Variants in GPC3 observed in about 807,000 individuals in gnomAD.
GPC3 encodes the protein glypican-3.
In GPC3, 3 loss-of-function variants were observed where a neutral mutation model predicts 34.4. The observed-to-expected ratio is 0.09, with a 90% CI of 0.04 to 0.23. GPC3 has a LOEUF of 0.23. GPC3 is among the 10% of genes least tolerant of loss of function. The pLI is 1.00. For missense variants in GPC3, 351 were observed against 445.6 expected, an observed-to-expected ratio of 0.79 and a Z score of 1.91; for synonymous variants, 177 against 174.0, an observed-to-expected ratio of 1.02 and a Z score of -0.13.
At chrX:133,613,638 C>T (rs768511708) in intron 6 of GPC3, among the ~76,000 whole-genome samples, 20 of 111,731 alleles carry the variant, frequency 1.8e-4, no homozygotes, top group African/African-American at 6.2e-4. Flanking sequence ...ACAATAGACC[C>T]ACAAGTATAA....
At chrX:133,736,444 A>C (rs771836170) in intron 3 of GPC3, among the ~76,000 whole-genome samples, 2 of 112,291 alleles carry the variant, frequency 1.8e-5, no homozygotes, top group Non-Finnish European at 3.8e-5. Context: ...TAGCAACACT[A>C]TTCATAATAA....
chrX:133,710,589 C>T (rs746038471), intron 3 of GPC3, among the ~76,000 whole-genome samples: 1 of 111,917 alleles, frequency 8.9e-6, no homozygotes, highest in Non-Finnish European at 1.9e-5. Context: ...ATGGAATTTG[C>T]CCAAGTCTGG....
intron 4 of GPC3, among the ~76,000 whole-genome samples, chrX:133,697,235 C>T (rs890003824): frequency 8.9e-6 from 1 of 111,904 alleles, no homozygotes; most frequent in African/African-American, 3.2e-5. Context: ...GTAATATGAG[C>T]TTATTATTTT....
chrX:133,664,810 C>CA (rs1289642836), intron 5 of GPC3, among the ~76,000 whole-genome samples: 7,297 of 68,617 alleles, frequency 0.11, 399 homozygotes, highest in Admixed American at 0.3. Flanking sequence ...CCGAACCACT[C>CA]AAAAAAAAAA....
At chrX:133,603,323 G>C (rs1390022737) in intron 6 of GPC3, among the ~76,000 whole-genome samples, 1 of 109,030 alleles carries the variant, frequency 9.2e-6, no homozygotes, top group African/African-American at 3.3e-5. Context: ...TCAGCTTCCT[G>C]AGTAGCTGGT....
intron 6 of GPC3, among the ~76,000 whole-genome samples, chrX:133,647,254 A>C (rs778262222): frequency 2.7e-5 from 3 of 112,561 alleles, no homozygotes; most frequent in African/African-American, 9.7e-5. Context: ...GTTATCAGCC[A>C]CTTATTCTAT....
chrX:133,927,412 A>T (rs1212914110), intron 2 of GPC3, among the ~76,000 whole-genome samples: 1 of 110,826 alleles, frequency 9.0e-6, no homozygotes, highest in East Asian at 2.8e-4. Context: ...CACACATCAA[A>T]CTCTTTACAG....
chrX:133,560,756 C>A (rs1053723002), intron 7 of GPC3, among the ~76,000 whole-genome samples: 1 of 110,749 alleles, frequency 9.0e-6, no homozygotes, highest in African/African-American at 3.3e-5. Context: ...AAAAAAGTCC[C>A]TATTTCTTCA....
At chrX:133,780,887 T>C (rs1017869300) in intron 2 of GPC3, among the ~76,000 whole-genome samples, 1 of 111,747 alleles carries the variant, frequency 8.9e-6, no homozygotes, top group Non-Finnish European at 1.9e-5. Context: ...AGTATCATTA[T>C]AGTCTAGTCA....
chrX:133,923,451 C>T (rs1162011533), intron 2 of GPC3, among the ~76,000 whole-genome samples: 1 of 111,597 alleles, frequency 9.0e-6, no homozygotes, highest in Admixed American at 9.5e-5. Context: ...CCCACCCCAC[C>T]CCCATCCTGA....
intron 7 of GPC3, among the ~76,000 whole-genome samples, chrX:133,592,403 G>C (rs1030202385): frequency 1.1e-4 from 12 of 106,879 alleles, no homozygotes; most frequent in Admixed American, 1.0e-4. Context: ...CATCTGTAAA[G>C]TGAGAATAGT....
chrX:133,610,734 C>T (rs749720542), intron 6 of GPC3, among the ~76,000 whole-genome samples: 2 of 100,998 alleles, frequency 2.0e-5, no homozygotes, highest in South Asian at 5.0e-4. Flanking sequence ...GGGGCACTTG[C>T]CTCTCAGAGG....
chrX:133,672,690 G>A (rs1356423118), intron 5 of GPC3, among the ~76,000 whole-genome samples: 3 of 112,094 alleles, frequency 2.7e-5, no homozygotes, highest in Middle Eastern at 4.2e-3. Context: ...TTGCTCTGTC[G>A]CCCAGGCTGG....
Position 133,662,006 on chromosome X carries a change from T to TA in GPC3, c.1293-157dup, listed in dbSNP as rs369016271. On this transcript the variant is annotated intron_variant, in intron 5 of 7. Coordinates refer to ENST00000370818, the MANE Select transcript of GPC3 (RefSeq NM_004484.4). The stretch of plus-strand genomic sequence containing the variant: ...CACTCCACATAGTGTCTATTTACAG[T>TA]AAAAAAAAATTCGTTCAACAATCAA... Among the ~76,000 whole-genome samples the TA allele has an allele frequency of 0.015, 1,656 of 109,909 alleles. 31 individuals are homozygous for TA. Among genetic ancestry groups the TA allele is most frequent in the African/African-American group, 0.05 (1,525 of 30,238 alleles).
chrX:133,545,770 C>T (rs1405135027), intron 7 of GPC3, among the ~76,000 whole-genome samples: 1 of 111,467 alleles, frequency 9.0e-6, no homozygotes, highest in East Asian at 2.8e-4. Flanking sequence ...AACCTGTAAC[C>T]AGATACTCAA....
At chrX:133,733,408 T>C (rs893768879) in intron 3 of GPC3, among the ~76,000 whole-genome samples, 1 of 111,217 alleles carries the variant, frequency 9.0e-6, no homozygotes, top group Non-Finnish European at 1.9e-5. Flanking sequence ...TTCATCCATG[T>C]AACAAAAAAC....
intron 7 of GPC3, among the ~76,000 whole-genome samples, chrX:133,593,465 G>C (rs1446342398): frequency 9.2e-6 from 1 of 109,051 alleles, no homozygotes; most frequent in African/African-American, 3.3e-5. Flanking sequence ...CACCAAAGTG[G>C]AGGGTGCTTA....
chrX:133,692,474 T>G lies in GPC3; in HGVS notation c.1187A>C (p.Lys396Thr). ...AGCACTATAGAAGCTGATGAAAGAC[T>G]TCAACTTCTGAATTAGTTCCCTAAA... Reference protein sequence around the residue: ...SRRRELIQKLKSFISFYSALP... With the variant: ...SRRRELIQKLTSFISFYSALP... Residue 396 changes from lysine (K) to threonine (T), a missense_variant, in exon 5 of 8, where the codon AAG becomes ACG. By Grantham distance (78) the Lys-to-Thr change is moderately conservative. Coordinates refer to ENST00000370818, the MANE Select transcript of GPC3 (RefSeq NM_004484.4). 8.3e-7 allele frequency: 1 copy of G among 1,204,903 alleles called. No individual in the cohort carries two copies. The highest frequency in any genetic ancestry group is 1.1e-6 in the Non-Finnish European group (1 of 889,003).
chrX:133,605,181 G>GGGC (rs2070035287), intron 6 of GPC3, among the ~76,000 whole-genome samples: 2 of 108,250 alleles, frequency 1.8e-5, no homozygotes, highest in African/African-American at 6.8e-5. Context: ...GTGGGGGGGG[G>GGGC]GCAATAAAGT....
Sources: allele counts gnomAD v4.1 joint callset (sites outside exome capture counted in the v4.1 genomes callset), GRCh38; gene constraint gnomAD v4.1.1; transcripts MANE v1.5; gene names NCBI Gene and HGNC (gene_info 2026-07-23, HGNC 2026-07-21).